CPEB1: variants seen among roughly 807,000 people sequenced by gnomAD.
CPEB1 encodes cytoplasmic polyadenylation element-binding protein 1.
In CPEB1, 7 loss-of-function variants were observed where a neutral mutation model predicts 65.8. The ratio of observed to expected loss-of-function variants is 0.11; its 90% CI spans 0.06 to 0.20. CPEB1 has a LOEUF of 0.20. CPEB1 is among the 10% of genes least tolerant of loss of function. CPEB1 has a pLI of 1.00. For missense variants in CPEB1, 551 were observed against 712.2 expected, an observed-to-expected ratio of 0.77 and a Z score of 2.58; for synonymous variants, 262 against 260.0, an observed-to-expected ratio of 1.01 and a Z score of -0.08.
At chr15:82,638,219 A>C (rs1449610817) in intron 1 of CPEB1, among the ~76,000 whole-genome samples, 4 of 152,194 alleles carry the variant, frequency 2.6e-5, no homozygotes, top group Admixed American at 2.6e-4. Context: ...GTAACTTCTT[A>C]AAGATTAGTT....
At chr15:82,566,367 G>A (rs1377886910) in intron 4 of CPEB1, among the ~76,000 whole-genome samples, 1 of 152,148 alleles carries the variant, frequency 6.6e-6, no homozygotes, top group Non-Finnish European at 1.5e-5. Context: ...CCGTATACCT[G>A]GAACCCTTCT....
intron 2 of CPEB1, chr15:82,628,019 C>G (rs2045919260): frequency 1.7e-6 from 1 of 582,398 alleles, no homozygotes; most frequent in Admixed American, 3.1e-5. Context: ...GCCTCCAGAT[C>G]AAGGGGTCAT....
At chr15:82,549,714 G>A in intron 9 of CPEB1, 56 bp from the exon 10 acceptor site, 2 of 1,530,672 alleles carry the variant, frequency 1.3e-6, no homozygotes, top group Non-Finnish European at 1.8e-6. Context: ...AGAGAGAGGT[G>A]CTTGCACGGC....
intron 3 of CPEB1, among the ~76,000 whole-genome samples, chr15:82,580,335 G>T (rs1448364732): frequency 4.1e-5 from 6 of 144,688 alleles, no homozygotes; most frequent in Non-Finnish European, 7.6e-5. Context: ...AAAAAAAAAA[G>T]AAGAAGAAGA....
intron 3 of CPEB1, among the ~76,000 whole-genome samples, chr15:82,617,973 TC>T (rs1169060883): frequency 2.0e-4 from 30 of 151,984 alleles, no homozygotes; most frequent in Non-Finnish European, 3.8e-4. Flanking sequence ...GACCTCGTGA[TC>T]CGCCCGCCTC....
chr15:82,582,052 C>A lies in CPEB1; in HGVS notation c.272-10520G>T, dbSNP rs72751658. On this transcript the variant is annotated intron_variant, in intron 3 of 12. Coordinates refer to ENST00000684509, the MANE Select transcript of CPEB1 (RefSeq NM_001365242.1). ...TGATGCCAAAGGATGTGAGCATATA[C>A]CCTTTCTCATAACTGGCAACTCTGC... Among the ~76,000 whole-genome samples the A allele has an allele frequency of 9.9e-3, 1,510 of 152,268 alleles. 14 individuals carry two copies. The highest frequency in any genetic ancestry group is 0.01 in the African/African-American group (420 of 41,552).
At chr15:82,564,368 C>A (rs2038769355) in intron 4 of CPEB1, among the ~76,000 whole-genome samples, 1 of 152,178 alleles carries the variant, frequency 6.6e-6, no homozygotes, top group Non-Finnish European at 1.5e-5. Context: ...TCACTGCAAG[C>A]TCTGCCTCCC....
intron 4 of CPEB1, among the ~76,000 whole-genome samples, chr15:82,570,364 A>T (rs568145226): frequency 3.5e-4 from 53 of 152,106 alleles, no homozygotes; most frequent in African/African-American, 1.1e-3. Context: ...ACCAACAGCG[A>T]ATGGCTGTAC....
intron 1 of CPEB1, among the ~76,000 whole-genome samples, chr15:82,646,209 G>A (rs1162579861): frequency 1.3e-5 from 2 of 152,222 alleles, no homozygotes; most frequent in Non-Finnish European, 2.9e-5. Context: ...GTCCTTAGCA[G>A]ACACTCTTCC....
intron 4 of CPEB1, among the ~76,000 whole-genome samples, chr15:82,567,972 C>T (rs890555823): frequency 6.6e-6 from 1 of 152,184 alleles, no homozygotes; most frequent in African/African-American, 2.4e-5. Context: ...TATGCCCTCA[C>T]CTTCAGAGAT....
chr15:82,584,256 C>T (rs1394878963), intron 3 of CPEB1, among the ~76,000 whole-genome samples: 1 of 48,010 alleles, frequency 2.1e-5, no homozygotes, highest in African/African-American at 1.3e-4. Flanking sequence ...GAGACTCCGT[C>T]TCAAAAAAAA....
At chr15:82,625,359 A>G (rs1470309780) in intron 3 of CPEB1, among the ~76,000 whole-genome samples, 1 of 151,894 alleles carries the variant, frequency 6.6e-6, no homozygotes, top group Admixed American at 6.6e-5. Context: ...CAAATGCCAC[A>G]AGTTAGTCAC....
chr15:82,638,250 A>G (rs182881476), intron 1 of CPEB1, among the ~76,000 whole-genome samples: 15 of 152,324 alleles, frequency 9.8e-5, no homozygotes, highest in Admixed American at 7.8e-4. Context: ...ATCTGAAACC[A>G]TATGTACTCT....
chr15:82,627,497 G>C lies in CPEB1; in HGVS notation c.97-130C>G, dbSNP rs995846709. On this transcript the variant is annotated intron_variant, in intron 2 of 12. Coordinates refer to ENST00000684509, the MANE Select transcript of CPEB1 (RefSeq NM_001365242.1). ...CTTTATACATTAAAACACTTAATGA[G>C]TGTTTACTATGAGCTAAGTACTCGG... is the stretch of plus-strand genomic sequence containing the variant. 4 of 638,058 alleles carry C rather than the reference G, an allele frequency of 6.3e-6. No homozygotes were observed. The Admixed American group carries it at 1.3e-4, about 21-fold the overall frequency. The allele number at this position is 638,058 out of a possible 1,614,324, so 39.5% of individuals were successfully genotyped here.
At chr15:82,557,659 T>C (rs778076609) in intron 5 of CPEB1, 101 bp downstream of exon 5, 51 of 966,806 alleles carry the variant, frequency 5.3e-5, no homozygotes, top group African/African-American at 9.7e-5. Context: ...CCAGCCTGCA[T>C]TCCAGGGGAC....
intron 4 of CPEB1, among the ~76,000 whole-genome samples, chr15:82,561,951 A>G (rs1776731810): frequency 1.3e-5 from 2 of 152,222 alleles, no homozygotes; most frequent in Non-Finnish European, 2.9e-5. Flanking sequence ...GCTTCTAACA[A>G]CTTACTGAAC....
chr15:82,624,469 C>G (rs1215645145), intron 3 of CPEB1, among the ~76,000 whole-genome samples: 1 of 152,120 alleles, frequency 6.6e-6, no homozygotes, highest in Non-Finnish European at 1.5e-5. Flanking sequence ...GCTTAGAACC[C>G]AGGTTTCCCA....
At chr15:82,578,615 G>A (rs1327971990) in intron 3 of CPEB1, among the ~76,000 whole-genome samples, 3 of 151,878 alleles carry the variant, frequency 2.0e-5, no homozygotes, top group Non-Finnish European at 4.4e-5. Context: ...AAATTAGCCG[G>A]GTGTGGTGGC....
At chr15:82,585,628 A>T (rs988073431) in intron 3 of CPEB1, among the ~76,000 whole-genome samples, 19 of 152,178 alleles carry the variant, frequency 1.2e-4, no homozygotes, top group African/African-American at 4.6e-4. Context: ...CTAAGCACTC[A>T]TCTCATTCAA....
Sources: gnomAD v4.1 joint callset for allele counts (sites outside exome capture counted in the v4.1 genomes callset) on GRCh38, gnomAD v4.1.1 for gene constraint, MANE v1.5 for transcripts, NCBI Gene and HGNC (gene_info 2026-07-23, HGNC 2026-07-21) for gene names.